Variants in C1orf87 observed in about 807,000 individuals in gnomAD.
C1orf87 encodes chromosome 1 open reading frame 87.
C1orf87 carries 58 observed loss-of-function variants against 60.5 expected under a neutral mutation model. That is an observed-to-expected ratio of 0.96 (90% CI 0.78 to 1.19). C1orf87 has a LOEUF of 1.19. Ranked by LOEUF, C1orf87 falls within the 50% of genes most tolerant of loss-of-function variation. The pLI, the probability that C1orf87 is intolerant of heterozygous loss-of-function variation, is 0.00. For synonymous variants in C1orf87, 236 were observed against 227.4 expected (o/e 1.04, Z -0.34); for missense variants, 673 against 638.6 (o/e 1.05, Z -0.58).
At chr1:60,069,530 T>C (rs895664186) in intron 2 of C1orf87, among the ~76,000 whole-genome samples, 3 of 152,162 alleles carry the variant, frequency 2.0e-5, no homozygotes, top group African/African-American at 7.2e-5. Flanking sequence ...CCTTGAAGCC[T>C]ACACATTAGT....
At chr1:60,064,921 T>G (rs1236995735) in intron 2 of C1orf87, among the ~76,000 whole-genome samples, 1 of 81,652 alleles carries the variant, frequency 1.2e-5, no homozygotes, top group Admixed American at 2.0e-4. Flanking sequence ...TATTTTATAT[T>G]ATATAATATA....
rs1645447283 is a variant in C1orf87 at position 60,055,382 on chromosome 1, G to A, written c.164C>T (p.Thr55Ile). The A allele has an allele frequency of 6.2e-7, 1 of 1,614,138 alleles. No individual in the cohort carries two copies. The highest frequency in any genetic ancestry group is 8.5e-7 in the Non-Finnish European group (1 of 1,180,024). The change falls in exon 3 of 12, where the codon ACT (threonine) becomes ATT (isoleucine). Residue 55 changes from threonine (T) to isoleucine (I), a missense_variant. Coordinates refer to ENST00000371201, the MANE Select transcript of C1orf87 (RefSeq NM_152377.3). ...TCTGCTCATCTGCCTTGCATTATCA[G>A]TCATTGGTTTCTGGTGCATTGTTTG... is the stretch of plus-strand genomic sequence containing the variant. ...ETQTMHQKPM[T>I]DNARQMSRDT...
At chr1:60,038,305 C>T (rs1645293169) in intron 5 of C1orf87, among the ~76,000 whole-genome samples, 198 bp from the exon 6 acceptor site, 1 of 152,026 alleles carries the variant, frequency 6.6e-6, no homozygotes, top group Non-Finnish European at 1.5e-5. Context: ...TAAAATTGTA[C>T]TTCCTGGTTG....
intron 2 of C1orf87, among the ~76,000 whole-genome samples, chr1:60,057,013 T>G (rs1645462067): frequency 6.6e-6 from 1 of 152,142 alleles, no homozygotes; most frequent in South Asian, 2.1e-4. Flanking sequence ...ATCCTTTTGG[T>G]GGTGGTAGCA....
intron 2 of C1orf87, among the ~76,000 whole-genome samples, chr1:60,060,114 A>C (rs1419879087): frequency 6.7e-6 from 1 of 149,492 alleles, no homozygotes; most frequent in Non-Finnish European, 1.5e-5. Context: ...ATGTCATGGA[A>C]CCATACCATG....
At chr1:60,023,568 A>G (rs1344103741) in intron 8 of C1orf87, among the ~76,000 whole-genome samples, 1 of 152,186 alleles carries the variant, frequency 6.6e-6, no homozygotes, top group Non-Finnish European at 1.5e-5. Context: ...AATTTAAGAT[A>G]ATACAGAGAA....
intron 2 of C1orf87, among the ~76,000 whole-genome samples, chr1:60,072,161 C>A (rs1188832050): frequency 1.3e-5 from 2 of 152,156 alleles, no homozygotes; most frequent in Non-Finnish European, 1.5e-5. Context: ...TAATCCTACT[C>A]CTGTAATTCA....
rs571505869 is a variant in C1orf87, at chr1:60,027,440, C to A, written c.1030-1942G>T. Among the ~76,000 whole-genome samples, 6 of 152,330 alleles carry A rather than the reference C, an allele frequency of 3.9e-5. 1 individual carries two copies. In the South Asian group the frequency reaches 1.2e-3, roughly 32 times the overall value. The stretch of plus-strand genomic sequence containing the variant: ...CTCTCTGCCTCCTGACAGAACCTGG[C>A]GCTTCCTCTGGCCCTGCATGGTGTG... On this transcript the variant is annotated intron_variant, in intron 7 of 11. Coordinates refer to ENST00000371201, the MANE Select transcript of C1orf87 (RefSeq NM_152377.3).
intron 10 of C1orf87, among the ~76,000 whole-genome samples, chr1:59,999,274 G>A (rs916780793): frequency 8.5e-5 from 13 of 152,120 alleles, no homozygotes; most frequent in Non-Finnish European, 1.6e-4. Context: ...CAACCAGTAC[G>A]TCTTAACGGA....
intron 5 of C1orf87, among the ~76,000 whole-genome samples, 173 bp from the exon 6 acceptor site, chr1:60,038,280 CT>C (rs1209814532): frequency 6.6e-6 from 1 of 151,970 alleles, no homozygotes; most frequent in African/African-American, 2.4e-5. Flanking sequence ...ATTATTTTCC[CT>C]TCTGGACAAA....
At chr1:60,027,402 C>T (rs531654367) in intron 7 of C1orf87, among the ~76,000 whole-genome samples, 1 of 152,326 alleles carries the variant, frequency 6.6e-6, no homozygotes, top group South Asian at 2.1e-4. Context: ...CTCATGCCCA[C>T]ATTCCCCTCA....
chr1:60,025,104 A>T (rs1296449378), intron 8 of C1orf87, among the ~76,000 whole-genome samples: 1 of 152,188 alleles, frequency 6.6e-6, no homozygotes, highest in Non-Finnish European at 1.5e-5. Flanking sequence ...GGAATCTAGA[A>T]AATCAAGATC....
intron 11 of C1orf87, among the ~76,000 whole-genome samples, chr1:59,995,074 T>C (rs1292739526): frequency 6.6e-6 from 1 of 152,152 alleles, no homozygotes; most frequent in Non-Finnish European, 1.5e-5. Context: ...GAGAAAGGCA[T>C]TTCAAATCTG....
chr1:60,029,358 T>C (rs1645220799), intron 7 of C1orf87, among the ~76,000 whole-genome samples: 2 of 152,208 alleles, frequency 1.3e-5, no homozygotes, highest in Admixed American at 6.5e-5. Context: ...TGCCTGATTC[T>C]AATCAATTCT....
chr1:59,997,254 G>C (rs1462434033), intron 11 of C1orf87, among the ~76,000 whole-genome samples: 3 of 152,138 alleles, frequency 2.0e-5, no homozygotes, highest in Non-Finnish European at 2.9e-5. Context: ...GAAGAGATTG[G>C]CCAGGTGGAT....
rs746755063 is a variant in C1orf87 at position 60,001,184 on chromosome 1, A to T, written c.1193-28T>A. On this transcript the variant is annotated intron_variant, in intron 9 of 11. Coordinates refer to ENST00000371201, the MANE Select transcript of C1orf87 (RefSeq NM_152377.3). ...GAACAAGAATAAAAAAAAAAAAAGG[A>T]AGGGTTTAGCTTGGTCTCTTCATTT... The T allele has an allele frequency of 8.0e-6, 12 of 1,506,120 alleles. No individual in the cohort carries two copies. The South Asian group carries it at 1.5e-4, about 19-fold the overall frequency. The allele number at this position is 1,506,120 out of a possible 1,614,324, so 93.3% of individuals were successfully genotyped here. A position where few individuals can be genotyped will look rare whatever the true frequency, so the allele number is the denominator to read the frequency against.
At chr1:60,018,451 C>T (rs916227069) in intron 8 of C1orf87, among the ~76,000 whole-genome samples, 1 of 152,206 alleles carries the variant, frequency 6.6e-6, no homozygotes, top group African/African-American at 2.4e-5. Context: ...AGTAGCCTAA[C>T]ACTATTTGCT....
intron 8 of C1orf87, among the ~76,000 whole-genome samples, chr1:60,023,697 A>T (rs1168730274): frequency 1.3e-5 from 2 of 152,122 alleles, no homozygotes; most frequent in Non-Finnish European, 2.9e-5. Flanking sequence ...TAATTCCAAT[A>T]TCCTTAATTT....
chr1:60,062,809 A>G (rs1210360274), intron 2 of C1orf87, among the ~76,000 whole-genome samples: 1 of 152,180 alleles, frequency 6.6e-6, no homozygotes, highest in Non-Finnish European at 1.5e-5. Context: ...TAGAATTCAA[A>G]TGGCAAAAAT....
Sources: gnomAD v4.1 joint callset for allele counts (sites outside exome capture counted in the v4.1 genomes callset) on GRCh38, gnomAD v4.1.1 for gene constraint, MANE v1.5 for transcripts, NCBI Gene and HGNC (gene_info 2026-07-23, HGNC 2026-07-21) for gene names.